The following MGAT4C variants were observed in gnomAD, a reference collection of about 807,000 sequenced individuals.
MGAT4C encodes the protein MGAT4 family member C.
MGAT4C carries 19 observed loss-of-function variants against 40.1 expected under a neutral mutation model. That is an observed-to-expected ratio of 0.47 (90% CI 0.33 to 0.70). The LOEUF is 0.70. Ranked by LOEUF, MGAT4C falls within the 30% of genes least tolerant of loss-of-function variation. The pLI is 0.02. For synonymous variants in MGAT4C, 181 were observed against 187.1 expected, an observed-to-expected ratio of 0.97 and a Z score of 0.27; for missense variants, 491 against 563.2, an observed-to-expected ratio of 0.87 and a Z score of 1.30.
At chr12:86,230,984 C>A (rs999549291) in intron 1 of MGAT4C, among the ~76,000 whole-genome samples, 2 of 151,742 alleles carry the variant, frequency 1.3e-5, no homozygotes, top group Non-Finnish European at 2.9e-5. Flanking sequence ...TCAACACAAT[C>A]ATCAGCAGTA....
intron 2 of MGAT4C, among the ~76,000 whole-genome samples, chr12:86,726,763 C>G (rs1950828090): frequency 6.6e-6 from 1 of 151,882 alleles, no homozygotes; most frequent in South Asian, 2.1e-4. Context: ...ATAAGTACCA[C>G]CTGTATTGGT....
intron 1 of MGAT4C, among the ~76,000 whole-genome samples, chr12:86,253,194 G>A (rs913867329): frequency 3.3e-5 from 5 of 151,510 alleles, no homozygotes; most frequent in African/African-American, 7.3e-5. Flanking sequence ...AGCTTTTCAG[G>A]TAGAAAAAAA....
In MGAT4C at chr12:85,968,413, G is replaced by A. The variant is rs748914538; in HGVS notation, c.*10876C>T. ...AGACTCAGGAAAACAGATCACTTAC[G>A]TAGTTCTCCAAAAACGAGAGTCCCA... is the stretch of plus-strand genomic sequence containing the variant. On this transcript the variant is annotated 3_prime_UTR_variant, in exon 5 of 5. Coordinates refer to ENST00000611864, the MANE Select transcript of MGAT4C (RefSeq NM_001351288.2). 6.6e-5 allele frequency: 10 copies of A among 151,924 alleles called. No individual in the cohort carries two copies. The highest frequency in any genetic ancestry group is 1.3e-4 in the Non-Finnish European group (9 of 67,908). The allele number at this position is 151,924 out of a possible 1,614,324, so 9.4% of individuals were successfully genotyped here.
intron 1 of MGAT4C, among the ~76,000 whole-genome samples, chr12:86,807,521 A>G (rs1451862496): frequency 6.6e-6 from 1 of 152,038 alleles, no homozygotes; most frequent in Admixed American, 6.6e-5. Flanking sequence ...TATCCAGTCT[A>G]TCACTGATGG....
chr12:86,639,814 A>C (rs995896452), intron 2 of MGAT4C, among the ~76,000 whole-genome samples: 9 of 151,832 alleles, frequency 5.9e-5, no homozygotes, highest in South Asian at 2.1e-4. Flanking sequence ...GGAATCAACA[A>C]CTCAAACCTC....
chr12:86,669,346 A>C (rs1964194804), intron 2 of MGAT4C, among the ~76,000 whole-genome samples: 1 of 152,126 alleles, frequency 6.6e-6, no homozygotes, highest in South Asian at 2.1e-4. Context: ...TCATAAGCCC[A>C]GTCATATCTC....
At chr12:86,120,015 A>G (rs1442516810) in intron 1 of MGAT4C, among the ~76,000 whole-genome samples, 1 of 151,824 alleles carries the variant, frequency 6.6e-6, no homozygotes, top group East Asian at 1.9e-4. Flanking sequence ...AATCTTATTC[A>G]AAAAAGATTT....
At chr12:86,493,963 A>C (rs1054736582) in intron 2 of MGAT4C, among the ~76,000 whole-genome samples, 3 of 151,826 alleles carry the variant, frequency 2.0e-5, no homozygotes, top group Admixed American at 1.3e-4. Flanking sequence ...CTCTTTTTTT[A>C]AGTACTACTT....
chr12:86,330,958 G>GTA (rs1954651708), intron 4 of MGAT4C, among the ~76,000 whole-genome samples: 1 of 152,106 alleles, frequency 6.6e-6, no homozygotes, highest in Admixed American at 6.6e-5. Context: ...CCCTATACAT[G>GTA]TATATATATG....
intron 2 of MGAT4C, among the ~76,000 whole-genome samples, chr12:86,687,186 G>T (rs1950088336): frequency 6.6e-6 from 1 of 152,074 alleles, no homozygotes; most frequent in Non-Finnish European, 1.5e-5. Flanking sequence ...GATCAGTGTT[G>T]ATATCCCCTT....
At chr12:86,359,577 C>A (rs1260466976) in intron 3 of MGAT4C, among the ~76,000 whole-genome samples, 4 of 151,302 alleles carry the variant, frequency 2.6e-5, no homozygotes, top group Non-Finnish European at 4.4e-5. Context: ...AATGGATAGA[C>A]TGCTAGCAAG....
intron 2 of MGAT4C, among the ~76,000 whole-genome samples, chr12:86,553,171 T>G (rs1592979713): frequency 6.6e-6 from 1 of 152,114 alleles, no homozygotes; most frequent in African/African-American, 2.4e-5. Flanking sequence ...GCAATAAAGT[T>G]GCAGTCCAGT....
At chr12:86,005,210 T>C (rs1357192324) in intron 2 of MGAT4C, among the ~76,000 whole-genome samples, 1 of 152,198 alleles carries the variant, frequency 6.6e-6, no homozygotes, top group East Asian at 1.9e-4. Flanking sequence ...GAGAAGCCAT[T>C]GCTTACTCAG....
chr12:86,617,443 G>T (rs1593047960), intron 2 of MGAT4C, among the ~76,000 whole-genome samples: 1 of 152,028 alleles, frequency 6.6e-6, no homozygotes, highest in Non-Finnish European at 1.5e-5. Flanking sequence ...AACACAAAAT[G>T]GATAAACCAC....
In MGAT4C at chr12:86,745,687, C is replaced by CATGA. The variant is rs1951142816; in HGVS notation, c.-261-18450_-261-18447dup. 3.3e-5 allele frequency among the ~76,000 whole-genome samples: 5 copies of CATGA among 151,644 alleles called. No individual in the cohort carries two copies. In the South Asian group the frequency reaches 1.0e-3, roughly 32 times the overall value. On this transcript the variant is annotated intron_variant, in intron 1 of 7. Coordinates refer to the MGAT4C transcript ENST00000548651. The stretch of plus-strand genomic sequence containing the variant: ...AATAATCATGTTTTGATTAATGGTG[C>CATGA]ATGAATGAATGAATGAGTAAATCTG...
intron 2 of MGAT4C, among the ~76,000 whole-genome samples, chr12:86,456,184 C>G (rs1327850756): frequency 6.6e-6 from 1 of 151,960 alleles, no homozygotes; most frequent in African/African-American, 2.4e-5. Context: ...GCCAAATTAA[C>G]CAAGCTGCCA....
At chr12:86,715,236 A>C (rs1267861563) in intron 2 of MGAT4C, among the ~76,000 whole-genome samples, 1 of 152,148 alleles carries the variant, frequency 6.6e-6, no homozygotes, top group Non-Finnish European at 1.5e-5. Context: ...CTATTACTTA[A>C]ACATACTTTG....
chr12:86,412,181 G>T (rs564529373), intron 3 of MGAT4C, among the ~76,000 whole-genome samples: 1 of 152,336 alleles, frequency 6.6e-6, no homozygotes, highest in South Asian at 2.1e-4. Context: ...AAAACGTGGG[G>T]TTGGAGGCCC....
chr12:86,349,303 C>T (rs1955107640), intron 3 of MGAT4C, among the ~76,000 whole-genome samples: 1 of 152,044 alleles, frequency 6.6e-6, no homozygotes, highest in Non-Finnish European at 1.5e-5. Context: ...CATTTTAATC[C>T]CATAAGGGGT....
Sources: gnomAD v4.1 joint callset for allele counts (sites outside exome capture counted in the v4.1 genomes callset) on GRCh38, gnomAD v4.1.1 for gene constraint, MANE v1.5 for transcripts, NCBI Gene and HGNC (gene_info 2026-07-23, HGNC 2026-07-21) for gene names.